ARHGAP4: variants seen among roughly 807,000 people sequenced by gnomAD.
The protein encoded by ARHGAP4 is Rho GTPase activating protein 4.
A neutral mutation model predicts 67.6 loss-of-function variants in ARHGAP4; 25 were observed. That is an observed-to-expected ratio of 0.37 (90% CI 0.27 to 0.52). The LOEUF (loss-of-function observed/expected upper bound fraction) is 0.52, where lower values mean the gene tolerates loss of function less well. Ranked by LOEUF, ARHGAP4 falls within the 20% of genes least tolerant of loss-of-function variation. The probability of loss-of-function intolerance (pLI) is 0.92; values close to 1 mark genes in which losing one functional copy is unlikely to be tolerated. For synonymous variants in ARHGAP4, 448 were observed against 373.7 expected, an observed-to-expected ratio of 1.20 and a Z score of -2.29; for missense variants, 804 against 854.6, an observed-to-expected ratio of 0.94 and a Z score of 0.74.
Position 153,909,294 on chromosome X carries a change from C to G in ARHGAP4, c.2508-125G>C, listed in dbSNP as rs1325049901. 1.2e-5 allele frequency: 10 copies of G among 865,378 alleles called. No individual in the cohort carries two copies. In the East Asian group the frequency reaches 3.1e-4, roughly 27 times the overall value. 71.3% of individuals were successfully genotyped at this position (865,378 alleles called of 1,213,427 possible). A position where few individuals can be genotyped will look rare whatever the true frequency, so the allele number is the denominator to read the frequency against. ...CTGGCCCAGTGGTCCCCAAGCTCCTCTAGAGCCTCTCCCTGTCACAAGCTG... is the reference window on the plus strand; with the variant it reads ...CTGGCCCAGTGGTCCCCAAGCTCCTGTAGAGCCTCTCCCTGTCACAAGCTG... On this transcript the variant is annotated intron_variant, in intron 20 of 21. Transcript: ENST00000350060.
chrX:153,919,513 A>T, intron 5 of ARHGAP4: 1 of 1,137,305 alleles, frequency 8.8e-7, no homozygotes, highest in Non-Finnish European at 1.2e-6. Flanking sequence ...CCTTGGTTCG[A>T]GCCACAACAT....
intron 7 of ARHGAP4, among the ~76,000 whole-genome samples, chrX:153,914,466 C>G (rs931234582): frequency 8.9e-6 from 1 of 112,185 alleles, no homozygotes; most frequent in Non-Finnish European, 1.9e-5. Flanking sequence ...GAGGCTGAGG[C>G]GGATGGATTA....
chrX:153,922,389 G>C (rs1437652054), intron 1 of ARHGAP4: 1 of 754,465 alleles, frequency 1.3e-6, no homozygotes, highest in Non-Finnish European at 1.6e-6. Context: ...GAGCTGATCC[G>C]GCCTTGTAAG....
At position 153,910,526 on chromosome X, in the gene ARHGAP4, G is replaced by A; in HGVS notation, c.1902C>T (p.Tyr634=). The A allele has an allele frequency of 8.3e-7, 1 of 1,207,597 alleles. No individual in the cohort carries two copies. The highest frequency in any genetic ancestry group is 1.1e-6 in the Non-Finnish European group (1 of 894,597). ...LPAPVLVVLR[Y]LFTFLNHLAQ... ...CTCACTGGTTGAGGAAGGTGAAGAG[G>A]TAGCGCAGAACCACCAGCACCGGCG... is the stretch of plus-strand genomic sequence containing the variant. The change falls in exon 16 of 22, where the codon TAC becomes TAT. Residue 634 remains tyrosine (Y), a synonymous_variant. Transcript: ENST00000350060.
rs899498922 is a variant in ARHGAP4, at chrX:153,909,503, T to C, written c.2447A>G (p.Gln816Arg). The change falls in exon 20 of 22, where the codon CAG becomes CGG. Residue 816 changes from glutamine to arginine, a missense_variant. Coordinates refer to ENST00000350060, the MANE Select transcript of ARHGAP4 (RefSeq NM_001666.5). The stretch of plus-strand genomic sequence containing the variant: ...ACTGCTCCCAGACTCCCCTGCAGTC[T>C]GCAGCCCTGCGCCCACCACCTGCTT... ...TEKQVVGAGL[Q>R]TAGESGSSPE... is the part of the protein sequence containing the mutation. The C allele has an allele frequency of 1.2e-5, 14 of 1,208,593 alleles. No individual in the cohort carries two copies. Among genetic ancestry groups the C allele is most frequent in the Non-Finnish European group, 1.6e-5 (14 of 894,441 alleles).
rs1603287843 is a variant in ARHGAP4 at position 153,922,212 on chromosome X, C to T, written c.68-403G>A. 4.8e-6 allele frequency: 4 copies of T among 841,600 alleles called. No homozygotes were observed. In the South Asian group the frequency reaches 1.3e-4, roughly 28 times the overall value. 69.4% of individuals were successfully genotyped at this position (841,600 alleles called of 1,213,427 possible). ...ACTTCCTTTCCCGCCGGTACCCAGG[C>T]TCCGGGAGGTGGCAGCCTCCCTTGC... is the stretch of plus-strand genomic sequence containing the variant. On this transcript the variant is annotated intron_variant, in intron 1 of 21. Coordinates refer to ENST00000350060, the MANE Select transcript of ARHGAP4 (RefSeq NM_001666.5).
rs2065126958 is a variant in ARHGAP4 at position 153,926,161 on chromosome X, C to G, written c.42G>C (p.Gln14His). The stretch of plus-strand genomic sequence containing the variant: ...CTTTGACTTGCGTCTCATACTCAGC[C>G]TGCAGCCCCCGCTCCCGCCGCAGCT... ...HGKLRRERGL[Q>H]AEYETQVKEM... The change falls in exon 1 of 22, where the codon CAG (glutamine) becomes CAC (histidine). Residue 14 changes from glutamine to histidine, a missense_variant. Around this residue, in one of 2 missense-constraint regions of ARHGAP4, gnomAD observed 404 missense variants for 505.9 expected, o/e 0.80. Transcript: ENST00000350060. 8.3e-7 allele frequency: 1 copy of G among 1,202,243 alleles called. No homozygotes were observed. Among genetic ancestry groups the G allele is most frequent in the Non-Finnish European group, 1.1e-6 (1 of 891,267 alleles).
Position 153,921,816 on chromosome X carries a change from G to T in ARHGAP4, c.68-7C>A. 8.5e-7 allele frequency: 1 copy of T among 1,179,426 alleles called. No homozygotes were observed. The highest frequency in any genetic ancestry group is 3.1e-5 in the East Asian group (1 of 32,236). ...CTCAGCTGCCAGCGCATCTCTGTGGGGGGAACCATGGCTCAGGCCTGGTCA... is the reference window on the plus strand; with the variant it reads ...CTCAGCTGCCAGCGCATCTCTGTGGTGGGAACCATGGCTCAGGCCTGGTCA... On this transcript the variant is annotated splice_polypyrimidine_tract_variant and splice_region_variant and intron_variant, in intron 1 of 21. Coordinates refer to ENST00000350060, the MANE Select transcript of ARHGAP4 (RefSeq NM_001666.5).
rs782343770 is a variant in ARHGAP4, at chrX:153,921,374, C to T, written c.426G>A (p.Leu142=). The part of the protein sequence containing the change: ...LSHIAEDVGR[L]VKKSRDLEQQ... ...AGGATGAGAGCCTCACCTTCTTGACCAGGCGCCCCACGTCCTCTGCAATGT... is the reference window on the plus strand; with the variant it reads ...AGGATGAGAGCCTCACCTTCTTGACTAGGCGCCCCACGTCCTCTGCAATGT... Residue 142 remains leucine (L), a synonymous_variant, in exon 3 of 22, where the codon CTG becomes CTA. Coordinates refer to ENST00000350060, the MANE Select transcript of ARHGAP4 (RefSeq NM_001666.5). 2.5e-6 allele frequency: 3 copies of T among 1,209,802 alleles called. No homozygotes were observed. Among genetic ancestry groups the T allele is most frequent in the African/African-American group, 3.5e-5 (2 of 57,508 alleles).
chrX:153,909,338 T>C, intron 20 of ARHGAP4, 105 bp downstream of exon 20: 1 of 906,482 alleles, frequency 1.1e-6, no homozygotes, highest in Non-Finnish European at 1.5e-6. Flanking sequence ...TGTCACGTCC[T>C]CATCTGCCAA....
chrX:153,919,953 AT>A (rs1357309151), intron 5 of ARHGAP4, among the ~76,000 whole-genome samples: 2 of 110,495 alleles, frequency 1.8e-5, no homozygotes, highest in Non-Finnish European at 3.8e-5. Context: ...TGCCCGGCTA[AT>A]TTTTGTATTT....
chrX:153,921,302 G>A (rs1370666278), intron 3 of ARHGAP4, 63 bp downstream of exon 3: 42 of 1,202,181 alleles, frequency 3.5e-5, no homozygotes, highest in Admixed American at 2.0e-4. Context: ...TGCCCTCCCA[G>A]CCACAGTGCC....
At position 153,907,495 on chromosome X, in the gene ARHGAP4, T is replaced by C; in HGVS notation, c.*234A>G. 2.7e-6 allele frequency: 1 copy of C among 368,947 alleles called. No homozygotes were observed. The highest frequency in any genetic ancestry group is 6.0e-5 in the South Asian group (1 of 16,779). The allele number at this position is 368,947 out of a possible 1,213,427, so 30.4% of individuals were successfully genotyped here. The stretch of plus-strand genomic sequence containing the variant: ...TTCCACAAAGCTGCAGAAGAGGGCT[T>C]TCCCCAGCATCCTTCCTCAGCTGCC... On this transcript the variant is annotated 3_prime_UTR_variant, in exon 22 of 22. Coordinates refer to ENST00000350060, the MANE Select transcript of ARHGAP4 (RefSeq NM_001666.5).
At chrX:153,914,137 G>C in intron 7 of ARHGAP4, 1 of 388,781 alleles carries the variant, frequency 2.6e-6, no homozygotes, top group Non-Finnish European at 4.5e-6. Flanking sequence ...CAGAATGGAA[G>C]AGGATTCAGC....
chrX:153,913,520 G>A lies in ARHGAP4; in HGVS notation c.1215C>T (p.Phe405=). 1 of 1,212,058 alleles carries A rather than the reference G, an allele frequency of 8.3e-7. No individual in the cohort carries two copies. Among genetic ancestry groups the A allele is most frequent in the Non-Finnish European group, 1.1e-6 (1 of 895,557 alleles). The change falls in exon 9 of 22, where the codon TTC becomes TTT. Residue 405 remains phenylalanine (F), a synonymous_variant. Transcript: ENST00000350060. ...GGGACTCGGTGGAGGGGCTGGTCTG[G>A]AAGGAATCAAGCACATCCCCGTCAT... ...ASDDGDVLDS[F]QTSPSTESLK... is the part of the protein sequence containing the mutation.
chrX:153,914,825 T>C (rs1348232011), intron 7 of ARHGAP4, among the ~76,000 whole-genome samples: 1 of 112,066 alleles, frequency 8.9e-6, no homozygotes, highest in African/African-American at 3.2e-5. Flanking sequence ...TGGGCAGACA[T>C]AAATTTCCCT....
rs2148516217 is a variant in ARHGAP4 at position 153,907,789 on chromosome X, G to A, written c.2781C>T (p.Ala927=). The change falls in exon 22 of 22, where the codon GCC becomes GCT. Residue 927 remains alanine, a synonymous_variant. Coordinates refer to ENST00000350060, the MANE Select transcript of ARHGAP4 (RefSeq NM_001666.5). ...GGTGGGAAGCTGAGGGTGAGGCTGGGGCCCCAGGGCCCCGGGAGAAGCCTT... is the reference window on the plus strand; with the variant it reads ...GGTGGGAAGCTGAGGGTGAGGCTGGAGCCCCAGGGCCCCGGGAGAAGCCTT... The part of the protein sequence containing the change: ...RNKGFSRGPG[A]PASPSASHPQ... 3.0e-6 allele frequency: 3 copies of A among 1,010,318 alleles called. No homozygotes were observed. The East Asian group carries it at 1.1e-4, about 37-fold the overall frequency. 83.3% of individuals were successfully genotyped at this position (1,010,318 alleles called of 1,213,427 possible). A position where few individuals can be genotyped will look rare whatever the true frequency, so the allele number is the denominator to read the frequency against.
At position 153,921,469 on chromosome X, in the gene ARHGAP4, G is replaced by C; in HGVS notation, c.331C>G (p.Arg111Gly). 1 of 1,202,977 alleles carries C rather than the reference G, an allele frequency of 8.3e-7. No homozygotes were observed. Among genetic ancestry groups the C allele is most frequent in the Non-Finnish European group, 1.1e-6 (1 of 891,735 alleles). Residue 111 changes from arginine to glycine, a missense_variant, in exon 3 of 22, where the codon CGG (arginine) becomes GGG (glycine). This residue lies in a region of ARHGAP4 where 404 missense variants were observed against 505.9 expected (regional missense o/e 0.80). Coordinates refer to ENST00000350060, the MANE Select transcript of ARHGAP4 (RefSeq NM_001666.5). Reference sequence around the variant, plus strand: ...GCCGCGCTCTCCCGGCTCTGCTGCCGCGTGTGCTGCAGCAGCACCGCCCAG... The same window carrying C: ...GCCGCGCTCTCCCGGCTCTGCTGCCCCGTGTGCTGCAGCAGCACCGCCCAG... ...HCWAVLLQHT[R>G]QQSRESAALS...
intron 19 of ARHGAP4, 26 bp downstream of exon 19, chrX:153,909,715 G>A (rs2065002393): frequency 1.7e-6 from 2 of 1,166,115 alleles, no homozygotes; most frequent in South Asian, 4.0e-5. Flanking sequence ...CGGGAGCCCT[G>A]GGGCCTGAGG....
Sources: gnomAD v4.1 joint callset for allele counts (sites outside exome capture counted in the v4.1 genomes callset) on GRCh38, gnomAD v4.1.1 for gene constraint, gnomAD v4.1.1 regional missense constraint, MANE v1.5 for transcripts, NCBI Gene and HGNC (gene_info 2026-07-23, HGNC 2026-07-21) for gene names.